Variants in CALN1 observed in about 807,000 individuals in gnomAD.
The protein encoded by CALN1 is calcium-binding protein 8.
Under a neutral mutation model 30.6 loss-of-function variants are expected in CALN1, and 17 were observed. That is an observed-to-expected ratio of 0.56 (90% CI 0.38 to 0.83). The LOEUF is 0.83. Among genes scored for constraint, CALN1 ranks in the 40% least tolerant of loss-of-function variants. CALN1 has a pLI of 0.00. For missense variants in CALN1, 291 were observed against 354.9 expected, an observed-to-expected ratio of 0.82 and a Z score of 1.45; for synonymous variants, 156 against 131.4, an observed-to-expected ratio of 1.19 and a Z score of -1.28.
chr7:72,483,301 T>C, the CALN1 span, among the ~76,000 whole-genome samples: 29 of 124,354 alleles, frequency 2.3e-4, no homozygotes, highest in African/African-American at 8.3e-4. Flanking sequence ...TTTTTTTTTT[T>C]TGAGACAAAG....
At chr7:72,339,885 A>G (rs1802301600) in intron 2 of CALN1, among the ~76,000 whole-genome samples, 1 of 152,200 alleles carries the variant, frequency 6.6e-6, no homozygotes, top group South Asian at 2.1e-4. Context: ...TCCCTCCCAC[A>G]ACACATGGGA....
rs566601567 is a variant in CALN1, at chr7:72,200,974, G to A, written c.244+77712C>T. 5.3e-5 allele frequency among the ~76,000 whole-genome samples: 8 copies of A among 152,232 alleles called. 1 individual carries two copies. The South Asian group carries it at 1.7e-3, about 32-fold the overall frequency. On this transcript the variant is annotated intron_variant, in intron 3 of 6. Coordinates refer to ENST00000395275, the MANE Select transcript of CALN1 (RefSeq NM_031468.4). ...AAATCATTCTACCAAAAAGACACCT[G>A]TTACTCACATGTTTATTGCAGCACT...
intron 2 of CALN1, among the ~76,000 whole-genome samples, chr7:72,322,536 C>A (rs1023428836): frequency 2.0e-5 from 3 of 152,028 alleles, no homozygotes. Context: ...TAAATTCTGA[C>A]CAGGAGTGAA....
At chr7:72,260,143 G>A (rs1223341105) in intron 3 of CALN1, among the ~76,000 whole-genome samples, 6 of 152,174 alleles carry the variant, frequency 3.9e-5, no homozygotes, top group African/African-American at 1.2e-4. Flanking sequence ...AGGCTGCAAT[G>A]AGCTATGATT....
At chr7:72,449,196 A>G (rs1450916420), upstream of CALN1, among the ~76,000 whole-genome samples, 8 of 152,194 alleles carry the variant, frequency 5.3e-5, no homozygotes, top group African/African-American at 1.9e-4. Flanking sequence ...AAGGAAGGGG[A>G]TATATGGACT....
intron 4 of CALN1, among the ~76,000 whole-genome samples, chr7:72,083,523 G>GC (rs1805289247): frequency 6.6e-6 from 1 of 152,064 alleles, no homozygotes; most frequent in Non-Finnish European, 1.5e-5. Context: ...GCTTGAGGCT[G>GC]CATCGAGCTA....
At chr7:72,193,512 T>C (rs1236864309) in intron 3 of CALN1, among the ~76,000 whole-genome samples, 1 of 152,118 alleles carries the variant, frequency 6.6e-6, no homozygotes, top group Admixed American at 6.6e-5. Flanking sequence ...AAATGTGTCA[T>C]TAGGGGATTT....
At chr7:72,430,511 C>G (rs1807940079) in intron 1 of CALN1, among the ~76,000 whole-genome samples, 1 of 151,936 alleles carries the variant, frequency 6.6e-6, no homozygotes, top group South Asian at 2.1e-4. Context: ...GTTTTTCTAC[C>G]AGGGTCAACA....
chr7:72,312,581 T>A (rs796349712), intron 2 of CALN1, among the ~76,000 whole-genome samples: 14 of 152,236 alleles, frequency 9.2e-5, no homozygotes, highest in African/African-American at 3.1e-4. Context: ...TGCTAGGAGA[T>A]ATTTTTTCTT....
intron 1 of CALN1, among the ~76,000 whole-genome samples, chr7:72,406,526 G>A (rs1302524045): frequency 2.6e-5 from 4 of 152,054 alleles, no homozygotes; most frequent in African/African-American, 4.8e-5. Flanking sequence ...CATCTGAAAG[G>A]TCAGCCGGAA....
chr7:72,500,428 G>A, the CALN1 span, among the ~76,000 whole-genome samples: 1 of 151,156 alleles, frequency 6.6e-6, no homozygotes, highest in Non-Finnish European at 1.5e-5. Flanking sequence ...CTGTAGGCAT[G>A]CACCACCACA....
chr7:72,181,002 G>A (rs1789741387), intron 3 of CALN1, among the ~76,000 whole-genome samples: 2 of 150,842 alleles, frequency 1.3e-5, no homozygotes, highest in Non-Finnish European at 2.9e-5. Context: ...GGAGGCTGGG[G>A]CAGGAGAATC....
intron 5 of CALN1, among the ~76,000 whole-genome samples, chr7:71,874,154 A>G (rs1353502697): frequency 6.6e-6 from 1 of 152,052 alleles, no homozygotes; most frequent in Non-Finnish European, 1.5e-5. Flanking sequence ...GGGCACCTGT[A>G]GTACCAGCTA....
At chr7:72,286,650 A>G (rs1798097719) in intron 2 of CALN1, among the ~76,000 whole-genome samples, 1 of 152,220 alleles carries the variant, frequency 6.6e-6, no homozygotes, top group Admixed American at 6.5e-5. Context: ...AGCACTTATG[A>G]AACAGTTTTG....
intron 4 of CALN1, among the ~76,000 whole-genome samples, chr7:72,094,473 C>T (rs6965049): frequency 0.25 from 37,523 of 151,964 alleles, 4,879 homozygotes; most frequent in Middle Eastern, 0.29. Flanking sequence ...AGGCTGGTCT[C>T]GAACTCCTGA....
intron 2 of CALN1, among the ~76,000 whole-genome samples, chr7:72,317,107 G>A (rs1266890266): frequency 1.8e-5 from 1 of 54,882 alleles, no homozygotes; most frequent in African/African-American, 9.2e-5. Flanking sequence ...AGGGAGGAAG[G>A]GAGGGAGGGA....
At chr7:72,251,396 C>CT (rs561449124) in intron 3 of CALN1, among the ~76,000 whole-genome samples, 12 of 151,656 alleles carry the variant, frequency 7.9e-5, no homozygotes, top group East Asian at 3.9e-4. Flanking sequence ...CTCTGAACTA[C>CT]TTTTTTTTTC....
chr7:72,126,258 T>G (rs763245449), intron 3 of CALN1, among the ~76,000 whole-genome samples: 1 of 152,202 alleles, frequency 6.6e-6, no homozygotes, highest in Non-Finnish European at 1.5e-5. Context: ...CATTCCATTT[T>G]ATGGCTATTA....
chr7:72,135,252 G>A (rs1017213868), intron 3 of CALN1, among the ~76,000 whole-genome samples: 4 of 152,188 alleles, frequency 2.6e-5, no homozygotes, highest in African/African-American at 9.7e-5. Flanking sequence ...AATCACAAAT[G>A]TTCTTAATGG....
Sources: allele counts gnomAD v4.1 joint callset (sites outside exome capture counted in the v4.1 genomes callset), GRCh38; gene constraint gnomAD v4.1.1; transcripts MANE v1.5; gene names NCBI Gene and HGNC (gene_info 2026-07-23, HGNC 2026-07-21).